PLD1: variants seen among roughly 807,000 people sequenced by gnomAD.
PLD1 encodes phospholipase D1, also known as choline phosphatase 1.
A neutral mutation model predicts 137.1 loss-of-function variants in PLD1; 112 were observed. That is an observed-to-expected ratio of 0.82 (90% confidence interval 0.70 to 0.96). The LOEUF (loss-of-function observed/expected upper bound fraction) is 0.96, where lower values mean the gene tolerates loss of function less well. Among genes scored for constraint, PLD1 ranks in the 40% least tolerant of loss-of-function variants. The pLI is 0.00. For synonymous variants in PLD1, 431 were observed against 454.7 expected, an observed-to-expected ratio of 0.95 and a Z score of 0.66; for missense variants, 1,321 against 1,342.0, an observed-to-expected ratio of 0.98 and a Z score of 0.24.
chr3:171,645,757 G>C (rs917406718), intron 21 of PLD1, among the ~76,000 whole-genome samples: 1 of 151,802 alleles, frequency 6.6e-6, no homozygotes, highest in South Asian at 2.1e-4. Flanking sequence ...GGTGGCGGGC[G>C]CCTGTAGTCC....
At chr3:171,786,765 A>G (rs1723026561) in intron 1 of PLD1, among the ~76,000 whole-genome samples, 1 of 152,296 alleles carries the variant, frequency 6.6e-6, no homozygotes, top group South Asian at 2.1e-4. Context: ...TATATTTTAT[A>G]TATAATAAAT....
intron 6 of PLD1, among the ~76,000 whole-genome samples, chr3:171,731,435 G>C (rs1718940190): frequency 6.6e-6 from 1 of 152,136 alleles, no homozygotes; most frequent in East Asian, 1.9e-4. Context: ...TCCTATGCTT[G>C]AATCATATTG....
chr3:171,750,521 G>T (rs1235004539), intron 1 of PLD1, among the ~76,000 whole-genome samples: 5 of 152,050 alleles, frequency 3.3e-5, no homozygotes, highest in Admixed American at 6.6e-5. Flanking sequence ...TTTGGTGAAA[G>T]AAATAAATTT....
At chr3:171,689,782 A>T (rs4894493) in intron 13 of PLD1, among the ~76,000 whole-genome samples, 1 of 151,804 alleles carries the variant, frequency 6.6e-6, no homozygotes, top group Non-Finnish European at 1.5e-5. Context: ...GACTACATGC[A>T]TGAGCCACCA....
intron 24 of PLD1, among the ~76,000 whole-genome samples, chr3:171,614,742 G>A (rs571609241): frequency 3.3e-5 from 5 of 152,174 alleles, no homozygotes; most frequent in South Asian, 2.1e-4. Context: ...GCTGTCAGGC[G>A]GGGGCTGCTG....
intron 19 of PLD1, among the ~76,000 whole-genome samples, chr3:171,670,451 G>A (rs1712629360): frequency 6.6e-6 from 1 of 152,250 alleles, no homozygotes; most frequent in Admixed American, 6.5e-5. Flanking sequence ...GCCTGAAGCT[G>A]CAAGGAACAT....
At chr3:171,765,902 C>G (rs1187931311) in intron 1 of PLD1, among the ~76,000 whole-genome samples, 1 of 152,170 alleles carries the variant, frequency 6.6e-6, no homozygotes, top group African/African-American at 2.4e-5. Flanking sequence ...ACATGAACTT[C>G]CTCCGTATCC....
At chr3:171,641,827 T>C (rs955598101) in intron 23 of PLD1, among the ~76,000 whole-genome samples, 2 of 152,162 alleles carry the variant, frequency 1.3e-5, no homozygotes, top group Non-Finnish European at 2.9e-5. Flanking sequence ...TGAATCTTCA[T>C]ATAAACGTCA....
chr3:171,619,503 C>CA lies in PLD1; in HGVS notation c.2728+882dup, dbSNP rs144991678. ...AGGGCTACATCCTATCATTAGTACA[C>CA]AATTCCCACTTCATCCATACACATC... On this transcript the variant is annotated intron_variant, in intron 24 of 26. Coordinates refer to ENST00000351298, the MANE Select transcript of PLD1 (RefSeq NM_002662.5). 8.5e-4 allele frequency among the ~76,000 whole-genome samples: 130 copies of CA among 152,318 alleles called. 1 individual carries two copies. The highest frequency in any genetic ancestry group is 3.4e-3 in the Middle Eastern group (1 of 294).
At chr3:171,683,101 C>T (rs1420472413) in intron 16 of PLD1, among the ~76,000 whole-genome samples, 2 of 152,132 alleles carry the variant, frequency 1.3e-5, no homozygotes, top group African/African-American at 4.8e-5. Flanking sequence ...TTGCTCTTCC[C>T]ATAGCCACCT....
At chr3:171,745,989 G>A (rs1181461108) in intron 1 of PLD1, among the ~76,000 whole-genome samples, 1 of 150,512 alleles carries the variant, frequency 6.6e-6, no homozygotes, top group Non-Finnish European at 1.5e-5. Flanking sequence ...CAGAGCGGCT[G>A]GCGCCACCGG....
At position 171,603,189 on chromosome 3, in the gene PLD1, C is replaced by T. The variant is rs745849650; in HGVS notation, c.3114G>A (p.Lys1038=). 5.0e-6 allele frequency: 8 copies of T among 1,613,974 alleles called. No individual in the cohort carries two copies. Among genetic ancestry groups the T allele is most frequent in the Admixed American group, 3.3e-5 (2 of 59,988 alleles). Residue 1038 remains lysine, a synonymous_variant, in exon 27 of 27, where the codon AAG becomes AAA. Transcript: ENST00000351298. ...ATTGCACCAAAAATCCACGGATCTT[C>T]TTCAGTTCCTCCTCAGCTCGAATGG... The part of the protein sequence containing the change: ...EDPIRAEEEL[K]KIRGFLVQFP...
intron 24 of PLD1, among the ~76,000 whole-genome samples, chr3:171,614,166 G>C (rs137964335): frequency 1.3e-5 from 2 of 152,228 alleles, no homozygotes; most frequent in African/African-American, 4.8e-5. Context: ...GTTTCCCCAT[G>C]GTGGCCCTGG....
intron 1 of PLD1, among the ~76,000 whole-genome samples, chr3:171,801,140 G>A (rs1485315049): frequency 6.6e-6 from 1 of 152,246 alleles, no homozygotes; most frequent in East Asian, 1.9e-4. Context: ...TTGGATGACT[G>A]CATTAGACTA....
intron 1 of PLD1, among the ~76,000 whole-genome samples, chr3:171,772,152 C>A (rs1330348838): frequency 6.6e-6 from 1 of 152,316 alleles, no homozygotes. Context: ...AGAACATCAG[C>A]TTTTTAACAC....
chr3:171,628,837 A>C (rs1734378395), intron 23 of PLD1, among the ~76,000 whole-genome samples: 2 of 152,212 alleles, frequency 1.3e-5, no homozygotes, highest in South Asian at 2.1e-4. Context: ...ACTCTCAATA[A>C]ATTAGGTATT....
intron 12 of PLD1, 82 bp from the exon 13 acceptor site, chr3:171,692,524 C>A: frequency 2.7e-6 from 2 of 740,692 alleles, no homozygotes; most frequent in Non-Finnish European, 4.8e-6. Flanking sequence ...TTGCACTGTA[C>A]TTTCTTTCTT....
chr3:171,810,083 G>C (rs1036184099), intron 1 of PLD1, among the ~76,000 whole-genome samples: 2 of 152,240 alleles, frequency 1.3e-5, no homozygotes, highest in Admixed American at 1.3e-4. Flanking sequence ...GCGGCGAGGC[G>C]GTGCATCCTG....
intron 23 of PLD1, among the ~76,000 whole-genome samples, chr3:171,621,133 G>A (rs1190160944): frequency 1.3e-5 from 2 of 152,062 alleles, no homozygotes; most frequent in Admixed American, 6.6e-5. Context: ...GGAAACAGAA[G>A]AATCCTTACT....
Sources: allele counts gnomAD v4.1 joint callset (sites outside exome capture counted in the v4.1 genomes callset), GRCh38; gene constraint gnomAD v4.1.1; transcripts MANE v1.5; gene names NCBI Gene and HGNC (gene_info 2026-07-23, HGNC 2026-07-21).